LBHD1: variants seen among roughly 807,000 people sequenced by gnomAD.
LBHD1 encodes the protein LBH domain containing 1.
LBHD1 carries 28 observed loss-of-function variants against 31.1 expected under a neutral mutation model. That is an observed-to-expected ratio of 0.90 (90% CI 0.67 to 1.24). LBHD1 has a LOEUF of 1.24. LBHD1 is among the 50% of genes most tolerant of loss of function. The pLI, the probability that LBHD1 is intolerant of heterozygous loss-of-function variation, is 0.00. For synonymous variants in LBHD1, 105 were observed against 116.5 expected (o/e 0.90, Z 0.63); for missense variants, 350 against 323.0 (o/e 1.08, Z -0.64).
intron 4 of LBHD1, chr11:62,666,914 C>T (rs1323343104): frequency 3.7e-6 from 6 of 1,613,854 alleles, no homozygotes; most frequent in Non-Finnish European, 5.1e-6. Flanking sequence ...GACCCTGATT[C>T]AGTTCTCAGA....
In LBHD1 at chr11:62,669,950, G is replaced by A. The variant is rs1433438671; in HGVS notation, c.82C>T (p.Pro28Ser). Residue 28 changes from proline (P) to serine (S), a missense_variant, in exon 2 of 7, where the codon CCC becomes TCC. Pro to Ser is a moderately conservative substitution (Grantham distance 74, BLOSUM62 -1). Coordinates refer to ENST00000354588, the MANE Select transcript of LBHD1 (RefSeq NM_024099.5). The stretch of plus-strand genomic sequence containing the variant: ...TCCCAGAGAGGGTTGGGCAGCCTGG[G>A]ACTTTCTGGATGCTGGGAGGAGCCT... Reference protein sequence around the residue: ...SPGSSQHPESPRLPNPLWDRG... With the variant: ...SPGSSQHPESSRLPNPLWDRG... 3.7e-6 allele frequency: 6 copies of A among 1,614,032 alleles called. No individual in the cohort carries two copies. Among genetic ancestry groups the A allele is most frequent in the East Asian group, 2.2e-5 (1 of 44,896 alleles).
Position 62,667,683 on chromosome 11 carries a change from C to G in LBHD1, c.378G>C (p.Trp126Cys). 1 of 1,614,176 alleles carries G rather than the reference C, an allele frequency of 6.2e-7. No individual in the cohort carries two copies. Residue 126 changes from tryptophan (W) to cysteine (C), a missense_variant, in exon 4 of 7, where the codon TGG (tryptophan) becomes TGC (cysteine). Transcript: ENST00000354588. ...PLRTFNAGLS[W>C]GQDQDEEDAC... ...CATCTTCTTCATCCTGGTCCTGCCC[C>G]CAGCTGAGTCCAGCGTTAAATGTTC...
At chr11:62,665,618 G>A in intron 4 of LBHD1, 3 of 1,551,768 alleles carry the variant, frequency 1.9e-6, no homozygotes, top group Non-Finnish European at 1.7e-6. Flanking sequence ...CCTCCATCGG[G>A]GTGCTCACAC....
Position 62,663,132 on chromosome 11 carries a change from G to A in LBHD1, c.789C>T (p.Asp263=), listed in dbSNP as rs1590843495. The change falls in exon 7 of 7, where the codon GAC becomes GAT. Residue 263 remains aspartate (D), a synonymous_variant. Coordinates refer to ENST00000354588, the MANE Select transcript of LBHD1 (RefSeq NM_024099.5). ...TTGCCTTTTGAGCTGTGGTTCACTA[G>A]TCCTGGCTGGCTTTGAAGGGGCTTC... ...GSGSPFKASQ[D] The A allele has an allele frequency of 6.2e-7, 1 of 1,614,112 alleles. No individual in the cohort carries two copies. Among genetic ancestry groups the A allele is most frequent in the Non-Finnish European group, 8.5e-7 (1 of 1,179,990 alleles).
chr11:62,665,726 T>C, intron 4 of LBHD1: 3 of 1,464,382 alleles, frequency 2.0e-6, no homozygotes, highest in South Asian at 2.7e-5. Flanking sequence ...GTGTCCGCGT[T>C]CTTTTTTCCG....
chr11:62,664,897 G>A lies in LBHD1; in HGVS notation c.615C>T (p.Gly205=), dbSNP rs1303254442. Residue 205 remains glycine, a synonymous_variant, in exon 5 of 7, where the codon GGC becomes GGT. Coordinates refer to ENST00000354588, the MANE Select transcript of LBHD1 (RefSeq NM_024099.5). ...GAASEAPGGR[G]CDRPRADHAA... Reference sequence around the variant, plus strand: ...CGTGATCAGCCCTTGGTCTATCACAGCCCCGACCACCCGGTGCCTCAGACG... The same window carrying A: ...CGTGATCAGCCCTTGGTCTATCACAACCCCGACCACCCGGTGCCTCAGACG... 5.7e-6 allele frequency: 9 copies of A among 1,592,648 alleles called. No individual in the cohort carries two copies. The highest frequency in any genetic ancestry group is 3.6e-5 in the Admixed American group (2 of 56,198).
intron 5 of LBHD1, 62 bp from the exon 6 acceptor site, chr11:62,663,395 T>C (rs1944706020): frequency 6.6e-7 from 1 of 1,513,520 alleles, no homozygotes; most frequent in African/African-American, 1.4e-5. Context: ...GTCACACAAA[T>C]AGTTCTGGCT....
At chr11:62,663,433 G>A (rs1055799073) in intron 5 of LBHD1, 100 bp from the exon 6 acceptor site, 10 of 1,270,240 alleles carry the variant, frequency 7.9e-6, no homozygotes, top group East Asian at 4.8e-5. Context: ...TAGGCTGGGC[G>A]CAGTGGCTCA....
At chr11:62,666,169 G>A in intron 4 of LBHD1, 3 of 700,276 alleles carry the variant, frequency 4.3e-6, no homozygotes, top group South Asian at 3.7e-5. Context: ...GCAACATAGC[G>A]AGACCCTGTC....
chr11:62,665,598 C>A, intron 4 of LBHD1: 1 of 1,565,868 alleles, frequency 6.4e-7, no homozygotes, highest in Non-Finnish European at 8.6e-7. Context: ...CAACCGAGAT[C>A]CAGCTGGCTC....
At chr11:62,665,389 C>A in intron 4 of LBHD1, 1 of 1,197,952 alleles carries the variant, frequency 8.3e-7, no homozygotes, top group South Asian at 1.3e-5. Context: ...GGTGGGGGTG[C>A]CGGGTGGAAG....
intron 3 of LBHD1, 189 bp from the exon 4 acceptor site, chr11:62,667,936 CA>C (rs1944862940): frequency 1.8e-6 from 1 of 558,766 alleles, no homozygotes; most frequent in Admixed American, 3.1e-5. Flanking sequence ...GGGATAGTGG[CA>C]CAGGCATGTA....
At position 62,665,680 on chromosome 11, in the gene LBHD1, C is replaced by T. The variant is rs574137652; in HGVS notation, c.539-707G>A. On this transcript the variant is annotated intron_variant, in intron 4 of 6. Transcript: ENST00000354588. Reference sequence around the variant, plus strand: ...ACGCTGTATACCCTCCTCCACTTCCCGCTGCAGCCAATAAAGGCCGTTCCT... The same window carrying T: ...ACGCTGTATACCCTCCTCCACTTCCTGCTGCAGCCAATAAAGGCCGTTCCT... The T allele has an allele frequency of 1.8e-4, 257 of 1,460,038 alleles. No individual in the cohort carries two copies. The African/African-American group carries it at 3.1e-3, about 18-fold the overall frequency. 90.4% of individuals were successfully genotyped at this position (1,460,038 alleles called of 1,614,324 possible).
chr11:62,671,935 T>A lies in LBHD1; in HGVS notation c.-382A>T. 6.2e-7 allele frequency: 1 copy of A among 1,613,248 alleles called. No homozygotes were observed. The highest frequency in any genetic ancestry group is 1.1e-5 in the South Asian group (1 of 91,064). On this transcript the variant is annotated 5_prime_UTR_variant, in exon 1 of 7. Coordinates refer to ENST00000354588, the MANE Select transcript of LBHD1 (RefSeq NM_024099.5). ...GCCCCGGACTGGAGCTCCTGCGAACTCCCCTTCCTGCCCTCAGGAGATGCC... is the reference window on the plus strand; with the variant it reads ...GCCCCGGACTGGAGCTCCTGCGAACACCCCTTCCTGCCCTCAGGAGATGCC...
chr11:62,666,626 C>A, intron 4 of LBHD1: 2 of 1,614,186 alleles, frequency 1.2e-6, no homozygotes, highest in Non-Finnish European at 1.7e-6. Flanking sequence ...ATCTCCACAC[C>A]CAGTGGATGT....
intron 1 of LBHD1, 90 bp from the exon 2 acceptor site, chr11:62,670,131 C>T: frequency 3.7e-6 from 5 of 1,360,542 alleles, no homozygotes; most frequent in Non-Finnish European, 5.0e-6. Flanking sequence ...TGGAGCCTGG[C>T]CCCTTAAGCA....
chr11:62,666,625 C>A lies in LBHD1; in HGVS notation c.538+898G>T, dbSNP rs137922656. On this transcript the variant is annotated intron_variant, in intron 4 of 6. Transcript: ENST00000354588. ...CAGGCCTCTACACCAAATCTCCACA[C>A]CCAGTGGATGTGCTGGGGGTGGACT... 366 of 1,614,188 alleles carry A rather than the reference C, an allele frequency of 2.3e-4. 1 individual carries two copies. In the African/African-American group the frequency reaches 4.6e-3, roughly 20 times the overall value.
intron 5 of LBHD1, among the ~76,000 whole-genome samples, chr11:62,664,583 A>G (rs1944742988): frequency 6.6e-6 from 1 of 152,034 alleles, no homozygotes; most frequent in Non-Finnish European, 1.5e-5. Flanking sequence ...CGCCCACCTC[A>G]GCCCCCCAAA....
chr11:62,665,727 C>T (rs1944789257), intron 4 of LBHD1: 1 of 1,464,598 alleles, frequency 6.8e-7, no homozygotes, highest in Non-Finnish European at 9.0e-7. Flanking sequence ...TGTCCGCGTT[C>T]TTTTTTCCGG....
Sources: gnomAD v4.1 joint callset for allele counts (sites outside exome capture counted in the v4.1 genomes callset) on GRCh38, gnomAD v4.1.1 for gene constraint, MANE v1.5 for transcripts, NCBI Gene and HGNC (gene_info 2026-07-23, HGNC 2026-07-21) for gene names.